The following GALNTL6 variants were observed in gnomAD, a reference collection of about 807,000 sequenced individuals.
The protein encoded by GALNTL6 is polypeptide N-acetylgalactosaminyltransferase like 6.
Under a neutral mutation model 73.7 loss-of-function variants are expected in GALNTL6, and 46 were observed. The observed-to-expected ratio is 0.62, with a 90% CI of 0.49 to 0.80. The LOEUF (loss-of-function observed/expected upper bound fraction) is 0.80. Among genes scored for constraint, GALNTL6 ranks in the 30% least tolerant of loss-of-function variants. The pLI, the probability that GALNTL6 is intolerant of heterozygous loss-of-function variation, is 0.00. For missense variants in GALNTL6, 604 were observed against 755.0 expected (o/e 0.80, Z 2.34); for synonymous variants, 259 against 263.7 (o/e 0.98, Z 0.17).
At chr4:172,325,874 TAAAAG>T (rs1243800519) in intron 4 of GALNTL6, among the ~76,000 whole-genome samples, 1 of 151,456 alleles carries the variant, frequency 6.6e-6, no homozygotes, top group African/African-American at 2.4e-5. Context: ...AAAAGAAAAC[TAAAAG>T]AAAACACTCC....
chr4:172,403,642 A>G (rs143902087), intron 5 of GALNTL6, among the ~76,000 whole-genome samples: 1 of 152,194 alleles, frequency 6.6e-6, no homozygotes, highest in African/African-American at 2.4e-5. Context: ...CAAAAAGCAT[A>G]TTAACTGAAG....
At chr4:171,977,020 G>A (rs1739741586) in intron 2 of GALNTL6, among the ~76,000 whole-genome samples, 1 of 152,138 alleles carries the variant, frequency 6.6e-6, no homozygotes, top group South Asian at 2.1e-4. Flanking sequence ...TAAGGAAACA[G>A]GTGAAAAAGA....
chr4:172,374,036 G>A (rs1742930008), intron 5 of GALNTL6, among the ~76,000 whole-genome samples: 1 of 152,178 alleles, frequency 6.6e-6, no homozygotes, highest in Admixed American at 6.5e-5. Flanking sequence ...CTGGCTGGGG[G>A]CTTCTGATCC....
At chr4:171,983,433 G>T (rs1579030612) in intron 2 of GALNTL6, among the ~76,000 whole-genome samples, 2 of 152,026 alleles carry the variant, frequency 1.3e-5, no homozygotes, top group Admixed American at 1.3e-4. Context: ...AGGATGCTCT[G>T]CAGTTAAGGC....
chr4:172,537,829 G>T (rs1735402880), intron 5 of GALNTL6, among the ~76,000 whole-genome samples: 1 of 152,168 alleles, frequency 6.6e-6, no homozygotes, highest in African/African-American at 2.4e-5. Context: ...GATAACAGAA[G>T]ATTTTGACAA....
At chr4:172,187,339 C>A (rs1228788832) in intron 2 of GALNTL6, among the ~76,000 whole-genome samples, 1 of 152,032 alleles carries the variant, frequency 6.6e-6, no homozygotes, top group East Asian at 1.9e-4. Context: ...TTTTCAAATA[C>A]ATTAAAACCT....
chr4:172,137,767 C>T (rs943609725), intron 2 of GALNTL6, among the ~76,000 whole-genome samples: 1 of 152,162 alleles, frequency 6.6e-6, no homozygotes, highest in Non-Finnish European at 1.5e-5. Flanking sequence ...TCTACTCATT[C>T]AAATTGATTA....
At chr4:172,435,750 A>G (rs1731612485) in intron 5 of GALNTL6, among the ~76,000 whole-genome samples, 1 of 152,162 alleles carries the variant, frequency 6.6e-6, no homozygotes, top group South Asian at 2.1e-4. Flanking sequence ...CCTTTAACCT[A>G]GAAAGAAAAG....
At chr4:172,454,110 T>G (rs1403838028) in intron 5 of GALNTL6, among the ~76,000 whole-genome samples, 1 of 152,162 alleles carries the variant, frequency 6.6e-6, no homozygotes, top group Non-Finnish European at 1.5e-5. Context: ...TAAAATTTTA[T>G]TCAAAGCCCA....
At chr4:172,905,420 A>C (rs975250494) in intron 8 of GALNTL6, among the ~76,000 whole-genome samples, 4 of 152,276 alleles carry the variant, frequency 2.6e-5, no homozygotes, top group African/African-American at 9.6e-5. Flanking sequence ...TTAATTTTTT[A>C]CTATTTTCAA....
intron 5 of GALNTL6, among the ~76,000 whole-genome samples, chr4:172,650,756 C>A (rs1740441011): frequency 6.6e-6 from 1 of 151,192 alleles, no homozygotes; most frequent in Non-Finnish European, 1.5e-5. Flanking sequence ...ACAGTATTTC[C>A]AAAAAAGAAA....
At chr4:171,982,510 G>C (rs934661728) in intron 2 of GALNTL6, among the ~76,000 whole-genome samples, 2 of 152,022 alleles carry the variant, frequency 1.3e-5, no homozygotes, top group Non-Finnish European at 2.9e-5. Flanking sequence ...GTCTTAGCCA[G>C]GATGGTCTTG....
rs915595811 is a variant in GALNTL6 at position 172,070,977 on chromosome 4, T to A, written c.139-158679T>A. On this transcript the variant is annotated intron_variant, in intron 2 of 12. Transcript: ENST00000506823. ...AAAAATACTAAGTTAGTTGTGTTGA[T>A]CCCAGAATCACAGAAACTTATTTAA... Among the ~76,000 whole-genome samples, 2 of 109,630 alleles carry A rather than the reference T, an allele frequency of 1.8e-5. 1 individual carries two copies. Among genetic ancestry groups the A allele is most frequent in the Middle Eastern group, 8.3e-3 (2 of 240 alleles). The allele number at this position is 109,630 out of a possible 152,430, so 71.9% of individuals were successfully genotyped here.
At chr4:172,819,280 C>T (rs1418031962) in intron 7 of GALNTL6, among the ~76,000 whole-genome samples, 1 of 152,240 alleles carries the variant, frequency 6.6e-6, no homozygotes, top group Non-Finnish European at 1.5e-5. Flanking sequence ...AACTTGCAGA[C>T]TCTCTTTCTT....
At chr4:172,408,824 A>G (rs1329964362) in intron 5 of GALNTL6, among the ~76,000 whole-genome samples, 2 of 152,012 alleles carry the variant, frequency 1.3e-5, no homozygotes, top group Non-Finnish European at 2.9e-5. Flanking sequence ...CACTTTTATG[A>G]CTTTAAGATT....
At chr4:172,012,229 A>G (rs10030115) in intron 2 of GALNTL6, among the ~76,000 whole-genome samples, 142,326 of 151,864 alleles carry the variant, frequency 0.94, 66,962 homozygotes, top group South Asian at 1. Context: ...AAACACATTG[A>G]CTTCCACCTA....
chr4:172,930,490 T>C (rs1391216369), intron 8 of GALNTL6, among the ~76,000 whole-genome samples: 1 of 152,224 alleles, frequency 6.6e-6, no homozygotes, highest in Non-Finnish European at 1.5e-5. Flanking sequence ...AATTTTTAAA[T>C]TGGCATTTTA....
At chr4:172,883,284 T>C (rs1745556000) in intron 8 of GALNTL6, among the ~76,000 whole-genome samples, 2 of 152,200 alleles carry the variant, frequency 1.3e-5, no homozygotes, top group Admixed American at 1.3e-4. Context: ...ATAATCTCCC[T>C]ACTTGTATAA....
chr4:172,020,269 G>A (rs1741352843), intron 2 of GALNTL6, among the ~76,000 whole-genome samples: 1 of 150,898 alleles, frequency 6.6e-6, no homozygotes, highest in South Asian at 2.1e-4. Context: ...AAAGGCAAAA[G>A]CAAACCAAAC....
Sources: allele counts gnomAD v4.1 joint callset (sites outside exome capture counted in the v4.1 genomes callset), GRCh38; gene constraint gnomAD v4.1.1; transcripts MANE v1.5; gene names NCBI Gene and HGNC (gene_info 2026-07-23, HGNC 2026-07-21).